The following NCAM1 variants were observed in gnomAD, a reference collection of about 807,000 sequenced individuals.
The protein encoded by NCAM1 is antigen recognized by monoclonal antibody 5.1H11.
In NCAM1, 14 loss-of-function variants were observed where a neutral mutation model predicts 109.8. The ratio of observed to expected loss-of-function variants is 0.13; its 90% CI spans 0.08 to 0.20. The LOEUF is 0.20. Ranked by LOEUF, NCAM1 falls within the 10% of genes least tolerant of loss-of-function variation. The pLI is 1.00. For missense variants in NCAM1, 774 were observed against 1,109.9 expected (o/e 0.70, Z 4.30); for synonymous variants, 418 against 442.9 (o/e 0.94, Z 0.70).
chr11:113,070,604 G>A (rs1156751293), intron 1 of NCAM1, among the ~76,000 whole-genome samples: 1 of 152,086 alleles, frequency 6.6e-6, no homozygotes, highest in Non-Finnish European at 1.5e-5. Context: ...GGTACAAGTG[G>A]GAGAAGTATA....
chr11:113,232,498 CTT>C, intron 11 of NCAM1, 144 bp downstream of exon 11: 1 of 934,922 alleles, frequency 1.1e-6, no homozygotes. Flanking sequence ...CACTGAGCCT[CTT>C]TTCAGCTCCC....
In NCAM1 at chr11:113,121,537, C is replaced by CAAAAAAAAAA. The variant is rs3051887; in HGVS notation, c.53-80830_53-80821dup. 6.5e-5 allele frequency among the ~76,000 whole-genome samples: 6 copies of CAAAAAAAAAA among 92,432 alleles called. 3 individuals are homozygous for CAAAAAAAAAA. Among genetic ancestry groups the CAAAAAAAAAA allele is most frequent in the Non-Finnish European group, 7.9e-5 (4 of 50,750 alleles). 60.6% of individuals were successfully genotyped at this position (92,432 alleles called of 152,430 possible). ...TGCCTGGCCAACACCACCAATCTTA[C>CAAAAAAAAAA]AAAAAAAAAAAAAAAAAAAAAGGCA... On this transcript the variant is annotated intron_variant, in intron 1 of 19. Coordinates refer to ENST00000316851, the MANE Select transcript of NCAM1 (RefSeq NM_181351.5).
intron 1 of NCAM1, among the ~76,000 whole-genome samples, chr11:113,046,310 C>T (rs1555080797): frequency 6.6e-6 from 1 of 152,256 alleles, no homozygotes; most frequent in East Asian, 1.9e-4. Flanking sequence ...GCACAGAGCT[C>T]GTAAGAGAGG....
chr11:113,048,907 A>C (rs1334113775), intron 1 of NCAM1, among the ~76,000 whole-genome samples: 1 of 152,204 alleles, frequency 6.6e-6, no homozygotes, highest in East Asian at 1.9e-4. Flanking sequence ...ACAATCCTTC[A>C]GTATTCCTTG....
At chr11:113,165,003 A>G (rs1411358252) in intron 1 of NCAM1, among the ~76,000 whole-genome samples, 1 of 152,170 alleles carries the variant, frequency 6.6e-6, no homozygotes, top group Admixed American at 6.5e-5. Context: ...TAGGAGCTGT[A>G]TGTTGGCAAC....
chr11:113,182,918 C>T (rs991734171), intron 1 of NCAM1, among the ~76,000 whole-genome samples: 1 of 152,180 alleles, frequency 6.6e-6, no homozygotes, highest in African/African-American at 2.4e-5. Context: ...GCCTGGGCCG[C>T]AGATTGGAGC....
At chr11:113,064,986 A>G (rs1555083977) in intron 1 of NCAM1, among the ~76,000 whole-genome samples, 1 of 152,220 alleles carries the variant, frequency 6.6e-6, no homozygotes. Context: ...AAGCACATCT[A>G]GCACCCATAT....
chr11:113,248,171 C>T (rs1278109221), intron 15 of NCAM1, among the ~76,000 whole-genome samples: 1 of 151,242 alleles, frequency 6.6e-6, no homozygotes, highest in Non-Finnish European at 1.5e-5. Context: ...TCTGCAGTTG[C>T]CGTAGAAACA....
chr11:112,985,761 C>A (rs1259442444), intron 1 of NCAM1, among the ~76,000 whole-genome samples: 1 of 151,788 alleles, frequency 6.6e-6, no homozygotes, highest in Non-Finnish European at 1.5e-5. Flanking sequence ...GACTTTGTAT[C>A]CTGCAGTTTC....
chr11:113,218,513 G>A (rs1265779597), intron 8 of NCAM1, among the ~76,000 whole-genome samples: 1 of 152,176 alleles, frequency 6.6e-6, no homozygotes, highest in Non-Finnish European at 1.5e-5. Flanking sequence ...TTCAACCATA[G>A]ACATATAGTT....
At position 113,233,029 on chromosome 11, in the gene NCAM1, A is replaced by T; in HGVS notation, c.1523-118A>T. 1 of 1,111,478 alleles carries T rather than the reference A, an allele frequency of 9.0e-7. No individual in the cohort carries two copies. The highest frequency in any genetic ancestry group is 1.3e-6 in the Non-Finnish European group (1 of 771,548). 68.9% of individuals were successfully genotyped at this position (1,111,478 alleles called of 1,614,324 possible). A position where few individuals can be genotyped will look rare whatever the true frequency, so the allele number is the denominator to read the frequency against. ...GTGAGATGGGCCAGGAGGACAGGAT[A>T]CAGTGACAGGATTCCCAAGAGTGAG... On this transcript the variant is annotated intron_variant, in intron 12 of 19. Coordinates refer to ENST00000316851, the MANE Select transcript of NCAM1 (RefSeq NM_181351.5). The surrounding 1 kb of genome is among the most constrained non-coding windows in gnomAD (Gnocchi z 4.5).
At chr11:113,249,876 C>A (rs1464221039) in intron 15 of NCAM1, among the ~76,000 whole-genome samples, 1 of 152,164 alleles carries the variant, frequency 6.6e-6, no homozygotes, top group Non-Finnish European at 1.5e-5. Context: ...AACACATACT[C>A]TCACATTCAT....
chr11:112,965,312 G>T (rs541970514), intron 1 of NCAM1, among the ~76,000 whole-genome samples: 1 of 152,234 alleles, frequency 6.6e-6, no homozygotes, highest in East Asian at 1.9e-4. Context: ...AGGGATGTGG[G>T]TGTTTACTGA....
At chr11:113,203,220 G>A (rs1944123612) in intron 2 of NCAM1, among the ~76,000 whole-genome samples, 1 of 152,220 alleles carries the variant, frequency 6.6e-6, no homozygotes, top group Non-Finnish European at 1.5e-5. Context: ...TTTTGGCAGG[G>A]AGGGGCCTTT....
chr11:113,235,311 T>G (rs370097912), intron 14 of NCAM1, 147 bp downstream of exon 14: 8 of 1,505,964 alleles, frequency 5.3e-6, no homozygotes, highest in Non-Finnish European at 7.3e-6. Context: ...CACCTCCTAG[T>G]TCTCTGGTTC....
intron 9 of NCAM1, among the ~76,000 whole-genome samples, chr11:113,228,689 A>G (rs190516277): frequency 0.033 from 5,021 of 152,292 alleles, 283 homozygotes; most frequent in African/African-American, 0.11. Flanking sequence ...ACTATACTAC[A>G]AGACTACAGT....
intron 1 of NCAM1, among the ~76,000 whole-genome samples, chr11:113,008,036 A>G (rs782463715): frequency 1.4e-4 from 22 of 152,220 alleles, no homozygotes; most frequent in Non-Finnish European, 2.8e-4. Context: ...AATTTAATTG[A>G]CAGCTTTTAT....
rs1565532830 is a variant in NCAM1 at position 113,255,886 on chromosome 11, G to A, written c.1838G>A (p.Ser613Asn). ...TAACTGGCTGTTTCAGGGGAACCCA[G>A]TGCACCTAAGCTCGAAGGGCAGATG... is the stretch of plus-strand genomic sequence containing the variant. ...FKTQPVQGEP[S>N]APKLEGQMGE... The change falls in exon 16 of 20, where the codon AGT becomes AAT. Residue 613 changes from serine (S) to asparagine (N), a missense_variant. Physicochemically the swap from Ser to Asn is conservative, Grantham distance 46. This residue lies in a region of NCAM1 where 523 missense variants were observed against 784.2 expected (regional missense o/e 0.67). Coordinates refer to ENST00000316851, the MANE Select transcript of NCAM1 (RefSeq NM_181351.5). 2 of 1,612,744 alleles carry A rather than the reference G, an allele frequency of 1.2e-6. No homozygotes were observed. Among genetic ancestry groups the A allele is most frequent in the South Asian group, 1.1e-5 (1 of 90,628 alleles).
rs1398110072 is a variant in NCAM1, at chr11:113,270,531, G to GA, written c.2339+141dup. ...TTCTCCATTTGGAACCCTGATGGGGGAAAAACATTAGAGAAAAGTTTCTCA... is the reference window on the plus strand; with the variant it reads ...TTCTCCATTTGGAACCCTGATGGGGGAAAAAACATTAGAGAAAAGTTTCTCA... On this transcript the variant is annotated intron_variant, in intron 18 of 19. Transcript: ENST00000316851. The GA allele has an allele frequency of 8.8e-6, 7 of 797,182 alleles. No individual in the cohort carries two copies. The African/African-American group carries it at 1.2e-4, about 14-fold the overall frequency. 49.4% of individuals were successfully genotyped at this position (797,182 alleles called of 1,614,324 possible). A position where few individuals can be genotyped will look rare whatever the true frequency, so the allele number is the denominator to read the frequency against.
Sources: gnomAD v4.1 joint callset for allele counts (sites outside exome capture counted in the v4.1 genomes callset) on GRCh38, gnomAD v4.1.1 for gene constraint, gnomAD v4.1.1 regional missense constraint, Gnocchi (gnomAD v3.1) non-coding constraint, MANE v1.5 for transcripts, NCBI Gene and HGNC (gene_info 2026-07-23, HGNC 2026-07-21) for gene names.